The following NPFFR2 variants were observed in gnomAD, a reference collection of about 807,000 sequenced individuals.
The protein encoded by NPFFR2 is neuropeptide FF receptor 2.
A neutral mutation model predicts 13.1 loss-of-function variants in NPFFR2; 15 were observed. That is an observed-to-expected ratio of 1.15 (90% CI 0.77 to 1.76). NPFFR2 has a LOEUF of 1.76. Ranked by LOEUF, NPFFR2 falls within the 40% of genes most tolerant of loss-of-function variation. NPFFR2 has a pLI of 0.00. For missense variants in NPFFR2, 572 were observed against 503.5 expected (o/e 1.14, Z -1.30); for synonymous variants, 190 against 175.7 (o/e 1.08, Z -0.65).
At chr4:72,125,900 G>A (rs1314628404) in intron 1 of NPFFR2, among the ~76,000 whole-genome samples, 1 of 152,186 alleles carries the variant, frequency 6.6e-6, no homozygotes, top group Non-Finnish European at 1.5e-5. Flanking sequence ...GATTTGGACA[G>A]AGACACTTGG....
At chr4:72,066,184 G>A (rs528150373) in intron 1 of NPFFR2, among the ~76,000 whole-genome samples, 1 of 152,260 alleles carries the variant, frequency 6.6e-6, no homozygotes, top group African/African-American at 2.4e-5. Flanking sequence ...CTGGAGAGGA[G>A]GAGTGCTGTG....
chr4:72,128,215 G>C (rs575552131), intron 1 of NPFFR2, among the ~76,000 whole-genome samples: 61 of 151,876 alleles, frequency 4.0e-4, no homozygotes, highest in Non-Finnish European at 7.2e-4. Flanking sequence ...ATGTGAGTTA[G>C]CTTTAAATTA....
chr4:72,120,102 G>A (rs898998619), intron 1 of NPFFR2, among the ~76,000 whole-genome samples: 5 of 152,106 alleles, frequency 3.3e-5, no homozygotes, highest in South Asian at 2.1e-4. Flanking sequence ...GGGGAGGGAC[G>A]TCCACCATTA....
chr4:72,109,332 T>G (rs1046920758), intron 1 of NPFFR2, among the ~76,000 whole-genome samples: 3 of 152,078 alleles, frequency 2.0e-5, no homozygotes, highest in Non-Finnish European at 4.4e-5. Flanking sequence ...CCATTCTATT[T>G]TCTGCTTCTA....
chr4:72,043,312 AG>A (rs1360579217), intron 1 of NPFFR2, among the ~76,000 whole-genome samples: 1 of 152,154 alleles, frequency 6.6e-6, no homozygotes, highest in Non-Finnish European at 1.5e-5. Context: ...GTGGGGTTGG[AG>A]CCCTGAGAGA....
chr4:72,131,276 C>T (rs1416839254), intron 2 of NPFFR2, among the ~76,000 whole-genome samples: 1 of 151,934 alleles, frequency 6.6e-6, no homozygotes, highest in Admixed American at 6.6e-5. Context: ...AGGGACTGCG[C>T]CCTTTTCTAA....
At chr4:72,079,659 A>T (rs1720549563) in intron 1 of NPFFR2, among the ~76,000 whole-genome samples, 1 of 152,178 alleles carries the variant, frequency 6.6e-6, no homozygotes, top group African/African-American at 2.4e-5. Context: ...GTACTGAGGG[A>T]ATGAAAAGAC....
In NPFFR2 at chr4:72,052,445, A is replaced by G. The variant is rs746000044; in HGVS notation, c.-8+20245A>G. Among the ~76,000 whole-genome samples, 431 of 150,734 alleles carry G rather than the reference A, an allele frequency of 2.9e-3. 4 individuals are homozygous for G. Among genetic ancestry groups the G allele is most frequent in the East Asian group, 0.013 (67 of 5,084 alleles). On this transcript the variant is annotated intron_variant, in intron 1 of 3. Transcript: ENST00000308744. ...AAAAGGCCTTTGACAAAATTCAACAACCCTTCATGCTAAAAACTCTCAATA... is the reference window on the plus strand; with the variant it reads ...AAAAGGCCTTTGACAAAATTCAACAGCCCTTCATGCTAAAAACTCTCAATA...
intron 1 of NPFFR2, among the ~76,000 whole-genome samples, chr4:72,036,387 T>G (rs943498136): frequency 2.2e-4 from 33 of 151,886 alleles, no homozygotes; most frequent in Non-Finnish European, 5.9e-5. Context: ...GAGATAAATA[T>G]TACAGTCCTC....
chr4:72,039,371 A>T, intron 1 of NPFFR2: 2 of 984,720 alleles, frequency 2.0e-6, no homozygotes, highest in Non-Finnish European at 2.4e-6. Flanking sequence ...TTCCTTTCTT[A>T]GTTGCCTCTG....
intron 1 of NPFFR2, among the ~76,000 whole-genome samples, chr4:72,063,472 T>C (rs1170100317): frequency 6.6e-6 from 1 of 152,190 alleles, no homozygotes; most frequent in Non-Finnish European, 1.5e-5. Context: ...TTGAAGTGAT[T>C]AAGAAGAAAA....
At chr4:72,110,415 C>G (rs1032072342) in intron 1 of NPFFR2, among the ~76,000 whole-genome samples, 1 of 151,970 alleles carries the variant, frequency 6.6e-6, no homozygotes, top group African/African-American at 2.4e-5. Flanking sequence ...GACTAATACA[C>G]TGCTCCTGTA....
At chr4:72,107,201 G>T (rs1721441846) in intron 1 of NPFFR2, among the ~76,000 whole-genome samples, 1 of 151,534 alleles carries the variant, frequency 6.6e-6, no homozygotes, top group African/African-American at 2.4e-5. Context: ...CACAAAGGGA[G>T]TTATATTTAA....
At chr4:72,048,384 C>T (rs1339686451) in intron 1 of NPFFR2, among the ~76,000 whole-genome samples, 2 of 152,070 alleles carry the variant, frequency 1.3e-5, no homozygotes, top group Non-Finnish European at 2.9e-5. Flanking sequence ...AATGATCATG[C>T]ACTATTTTTA....
intron 1 of NPFFR2, among the ~76,000 whole-genome samples, chr4:72,033,362 A>G (rs1423348401): frequency 2.6e-5 from 4 of 152,192 alleles, no homozygotes; most frequent in African/African-American, 9.6e-5. Flanking sequence ...TTAATAAAAC[A>G]GTGATGCAAT....
chr4:72,060,147 A>G (rs544940964), intron 1 of NPFFR2, among the ~76,000 whole-genome samples: 121 of 152,224 alleles, frequency 7.9e-4, no homozygotes, highest in African/African-American at 2.6e-3. Context: ...CAGATGTCCA[A>G]TCTTTATTCC....
chr4:72,136,338 C>T (rs984235202), intron 2 of NPFFR2, among the ~76,000 whole-genome samples: 13 of 151,970 alleles, frequency 8.6e-5, no homozygotes, highest in South Asian at 2.1e-4. Flanking sequence ...ACCATGATCA[C>T]GCCACTGCAC....
intron 1 of NPFFR2, among the ~76,000 whole-genome samples, chr4:72,107,412 A>G (rs2109815887): frequency 6.6e-6 from 1 of 151,464 alleles, no homozygotes; most frequent in Non-Finnish European, 1.5e-5. Flanking sequence ...GACCTTCACA[A>G]TCCTGGGAGA....
intron 1 of NPFFR2, among the ~76,000 whole-genome samples, chr4:72,033,765 A>G (rs769033898): frequency 6.6e-6 from 1 of 152,244 alleles, no homozygotes; most frequent in Admixed American, 6.5e-5. Flanking sequence ...CATAGTTCCT[A>G]TAAATCATAC....
Sources: gnomAD v4.1 joint callset for allele counts (sites outside exome capture counted in the v4.1 genomes callset) on GRCh38, gnomAD v4.1.1 for gene constraint, MANE v1.5 for transcripts, NCBI Gene and HGNC (gene_info 2026-07-23, HGNC 2026-07-21) for gene names.